Variants in DCC observed in about 807,000 individuals in gnomAD.
The protein encoded by DCC is netrin receptor DCC.
DCC carries 58 observed loss-of-function variants against 172.5 expected under a neutral mutation model. The observed-to-expected ratio is 0.34, with a 90% CI of 0.27 to 0.42. DCC has a LOEUF of 0.42. Among genes scored for constraint, DCC ranks in the 10% least tolerant of loss-of-function variants. The pLI, the probability that DCC is intolerant of heterozygous loss-of-function variation, is 1.00. For missense variants in DCC, 1,740 were observed against 1,791.0 expected, an observed-to-expected ratio of 0.97 and a Z score of 0.51; for synonymous variants, 709 against 644.5, an observed-to-expected ratio of 1.10 and a Z score of -1.52.
intron 1 of DCC, among the ~76,000 whole-genome samples, chr18:52,395,305 C>A (rs923168539): frequency 3.3e-5 from 5 of 151,952 alleles, no homozygotes; most frequent in Admixed American, 1.3e-4. Flanking sequence ...ATCCACCCAG[C>A]AATTATGGTC....
chr18:52,783,323 C>CTTTTTTTTTTTTTTTTTTTTTTTTT lies in DCC; in HGVS notation c.412+30963_412+30987dup, dbSNP rs374129823. 5.1e-5 allele frequency among the ~76,000 whole-genome samples: 3 copies of CTTTTTTTTTTTTTTTTTTTTTTTTT among 59,270 alleles called. 1 individual carries two copies. The highest frequency in any genetic ancestry group is 8.5e-5 in the Non-Finnish European group (3 of 35,236). The allele number at this position is 59,270 out of a possible 152,430, so 38.9% of individuals were successfully genotyped here. ...ACTAAAAATAATTTATACTACTACT[C>CTTTTTTTTTTTTTTTTTTTTTTTTT]TTTTTTTTTTTTTTTTTTTTTTTTT... On this transcript the variant is annotated intron_variant, in intron 2 of 28. Coordinates refer to ENST00000442544, the MANE Select transcript of DCC (RefSeq NM_005215.4).
At chr18:52,923,005 A>G (rs1170048423) in intron 3 of DCC, among the ~76,000 whole-genome samples, 1 of 152,162 alleles carries the variant, frequency 6.6e-6, no homozygotes, top group African/African-American at 2.4e-5. Context: ...AGTGTTCCAT[A>G]TATAGAACTA....
rs189178013 is a variant in DCC at position 52,673,738 on chromosome 18, G to A, written c.92-78316G>A. Among the ~76,000 whole-genome samples, 32 of 152,234 alleles carry A rather than the reference G, an allele frequency of 2.1e-4. No homozygotes were observed. In the East Asian group the frequency reaches 3.9e-3, roughly 18 times the overall value. The stretch of plus-strand genomic sequence containing the variant: ...GCCATTGCCAGGTTTAGATCACATC[G>A]CTAATGTTCTTTCACTGAAGACTCA... On this transcript the variant is annotated intron_variant, in intron 1 of 28. Transcript: ENST00000442544.
At chr18:52,854,298 C>A (rs1249800982) in intron 2 of DCC, among the ~76,000 whole-genome samples, 1 of 152,014 alleles carries the variant, frequency 6.6e-6, no homozygotes, top group Non-Finnish European at 1.5e-5. Flanking sequence ...TGGGTAAATG[C>A]AGATAGTTTC....
intron 12 of DCC, among the ~76,000 whole-genome samples, chr18:53,228,488 A>T (rs1166886582): frequency 6.6e-6 from 1 of 152,102 alleles, no homozygotes; most frequent in East Asian, 1.9e-4. Context: ...TCAGCCAAAA[A>T]ACCTCAGCAC....
intron 27 of DCC, among the ~76,000 whole-genome samples, chr18:53,508,163 G>C (rs555191881): frequency 6.6e-6 from 1 of 151,816 alleles, no homozygotes; most frequent in Non-Finnish European, 1.5e-5. Context: ...AAAGTGCTGG[G>C]ATTATAGGCA....
At chr18:53,119,980 C>T (rs908317913) in intron 7 of DCC, among the ~76,000 whole-genome samples, 1 of 151,764 alleles carries the variant, frequency 6.6e-6, no homozygotes, top group African/African-American at 2.4e-5. Context: ...GATAATTCAA[C>T]TTTGTCCTAG....
chr18:53,518,595 C>A (rs2046365237), intron 27 of DCC, among the ~76,000 whole-genome samples: 1 of 152,168 alleles, frequency 6.6e-6, no homozygotes, highest in South Asian at 2.1e-4. Context: ...ACACTGCTAG[C>A]CCATCTCAGA....
chr18:52,919,728 C>T (rs372532920), intron 3 of DCC, among the ~76,000 whole-genome samples: 19 of 151,512 alleles, frequency 1.3e-4, no homozygotes, highest in African/African-American at 1.5e-4. Flanking sequence ...TGTTAAACAA[C>T]ATGAATCTAA....
At chr18:53,351,420 C>T (rs1358490549) in intron 15 of DCC, among the ~76,000 whole-genome samples, 7 of 15,906 alleles carry the variant, frequency 4.4e-4, no homozygotes, top group East Asian at 9.3e-3. Context: ...TATATATACA[C>T]ACTGTGTATA....
chr18:52,700,227 T>C (rs569260502), intron 1 of DCC, among the ~76,000 whole-genome samples: 1 of 110,842 alleles, frequency 9.0e-6, no homozygotes, highest in Non-Finnish European at 1.9e-5. Context: ...TGCACACACA[T>C]GCACACTCAC....
At chr18:52,945,227 CA>C (rs2040524727) in intron 5 of DCC, among the ~76,000 whole-genome samples, 2 of 151,980 alleles carry the variant, frequency 1.3e-5, no homozygotes, top group South Asian at 2.1e-4. Context: ...TAGGTTTTAA[CA>C]AGAAAAAATA....
chr18:53,165,969 G>C (rs1460532952), intron 8 of DCC, among the ~76,000 whole-genome samples: 2 of 152,160 alleles, frequency 1.3e-5, no homozygotes, highest in Admixed American at 6.6e-5. Context: ...TGACTAGAAA[G>C]TGGAAACTAG....
intron 12 of DCC, among the ~76,000 whole-genome samples, chr18:53,235,144 T>C (rs1274648767): frequency 6.6e-6 from 1 of 152,208 alleles, no homozygotes; most frequent in Non-Finnish European, 1.5e-5. Context: ...GAATATCAAG[T>C]AGAGGTTCTC....
At chr18:52,742,745 T>C (rs559414153) in intron 1 of DCC, among the ~76,000 whole-genome samples, 5,342 of 152,272 alleles carry the variant, frequency 0.035, 134 homozygotes, top group Admixed American at 0.048. Flanking sequence ...ATTTTCCAAG[T>C]AGAAGTGAGA....
chr18:52,704,140 T>G (rs2036169113), intron 1 of DCC, among the ~76,000 whole-genome samples: 2 of 144,256 alleles, frequency 1.4e-5, no homozygotes, highest in Non-Finnish European at 2.9e-5. Flanking sequence ...TTTATAAATG[T>G]AATATATTAT....
At chr18:52,814,740 A>C (rs1371804204) in intron 2 of DCC, among the ~76,000 whole-genome samples, 1 of 152,196 alleles carries the variant, frequency 6.6e-6, no homozygotes, top group African/African-American at 2.4e-5. Flanking sequence ...CCTTTCTTAA[A>C]CTCAGTTATG....
intron 1 of DCC, among the ~76,000 whole-genome samples, chr18:52,598,539 T>C (rs952870796): frequency 3.3e-5 from 5 of 152,122 alleles, no homozygotes; most frequent in Admixed American, 3.3e-4. Context: ...AGCACCAGGA[T>C]GTATGATGGG....
In DCC at chr18:53,157,380, C is replaced by T; in HGVS notation, c.1286C>T (p.Pro429Leu). Residue 429 changes from proline (P) to leucine (L), a missense_variant, in exon 8 of 29, where the codon CCT (proline) becomes CTT (leucine). This residue lies in a region of DCC where 1,732 missense variants were observed against 1,767.4 expected (regional missense o/e 0.98). Coordinates refer to ENST00000442544, the MANE Select transcript of DCC (RefSeq NM_005215.4). ...KPAIPSSSVL[P>L]SAPRDVVPVL... Reference sequence around the variant, plus strand: ...GCTATCCCAAGCTCCAGTGTCCTCCCTTCGGCTCCCAGAGATGTGGTCCCT... The same window carrying T: ...GCTATCCCAAGCTCCAGTGTCCTCCTTTCGGCTCCCAGAGATGTGGTCCCT... 2 of 1,614,142 alleles carry T rather than the reference C, an allele frequency of 1.2e-6. No homozygotes were observed. The highest frequency in any genetic ancestry group is 1.3e-5 in the African/African-American group (1 of 75,036).
Sources: allele counts gnomAD v4.1 joint callset (sites outside exome capture counted in the v4.1 genomes callset), GRCh38; gene constraint gnomAD v4.1.1; regional missense constraint gnomAD v4.1.1; transcripts MANE v1.5; gene names NCBI Gene and HGNC (gene_info 2026-07-23, HGNC 2026-07-21).